The following PTPRS variants were observed in gnomAD, a reference collection of about 807,000 sequenced individuals.
PTPRS encodes receptor-type tyrosine-protein phosphatase S.
Under a neutral mutation model 215.3 loss-of-function variants are expected in PTPRS, and 63 were observed. The ratio of observed to expected loss-of-function variants is 0.29; its 90% CI spans 0.24 to 0.36. The LOEUF (loss-of-function observed/expected upper bound fraction) is 0.36, where lower values mean the gene tolerates loss of function less well. Ranked by LOEUF, PTPRS falls within the 10% of genes least tolerant of loss-of-function variation. The pLI is 1.00. For synonymous variants in PTPRS, 1,404 were observed against 1,191.4 expected, an observed-to-expected ratio of 1.18 and a Z score of -3.68; for missense variants, 2,258 against 2,825.8, an observed-to-expected ratio of 0.80 and a Z score of 4.56.
chr19:5,303,950 C>CAAA (rs1555805672), intron 1 of PTPRS, among the ~76,000 whole-genome samples: 1 of 95,710 alleles, frequency 1.0e-5, no homozygotes, highest in African/African-American at 6.0e-5. Context: ...GACTCTGTCT[C>CAAA]AAAAAATAAT....
chr19:5,206,156 T>TG lies in PTPRS; in HGVS notation c.*617dup, dbSNP rs1035656662. ...TATCACACAAGGACGCTTTCTACAG[T>TG]GAAAAAATAGACTGTCTTTGAACAG... On this transcript the variant is annotated 3_prime_UTR_variant, in exon 38 of 38. Coordinates refer to ENST00000262963, the MANE Select transcript of PTPRS (RefSeq NM_002850.4). Among the ~76,000 whole-genome samples the TG allele has an allele frequency of 4.1e-4, 61 of 147,756 alleles. No individual in the cohort carries two copies. Among genetic ancestry groups the TG allele is most frequent in the African/African-American group, 1.5e-3 (59 of 39,664 alleles).
At chr19:5,323,383 A>G (rs575966659) in intron 1 of PTPRS, among the ~76,000 whole-genome samples, 1 of 152,330 alleles carries the variant, frequency 6.6e-6, no homozygotes, top group South Asian at 2.1e-4. Context: ...AAAGCATTCA[A>G]CAGAGAAATG....
At position 5,210,158 on chromosome 19, in the gene PTPRS, C is replaced by A. The variant is rs9676920; in HGVS notation, c.5487+311G>T. Among the ~76,000 whole-genome samples, 2,620 of 152,310 alleles carry A rather than the reference C, an allele frequency of 0.017. 76 individuals are homozygous for A. The highest frequency in any genetic ancestry group is 0.06 in the African/African-American group (2,475 of 41,544). ...CCCTCACCCTCAATCCCTCAAGTCC[C>A]TTTCAGCCCTTTAACATCATCCTCC... On this transcript the variant is annotated intron_variant, in intron 35 of 37. Coordinates refer to ENST00000262963, the MANE Select transcript of PTPRS (RefSeq NM_002850.4). The surrounding 1 kb of genome is among the most constrained non-coding windows in gnomAD (Gnocchi z 4.5).
At chr19:5,301,041 G>A in intron 1 of PTPRS, among the ~76,000 whole-genome samples, 1 of 152,198 alleles carries the variant, frequency 6.6e-6, no homozygotes, top group East Asian at 1.9e-4. Context: ...GAAAGCAAAA[G>A]CCACATTGCT....
At chr19:5,268,881 T>G (rs894581352) in intron 4 of PTPRS, among the ~76,000 whole-genome samples, 10 of 152,144 alleles carry the variant, frequency 6.6e-5, no homozygotes, top group Non-Finnish European at 1.2e-4. Flanking sequence ...CTCAACCAGG[T>G]CTGAACCCAT....
chr19:5,228,342 C>A lies in PTPRS; in HGVS notation c.2376+974G>T, dbSNP rs1312059654. Reference sequence around the variant, plus strand: ...CCCGGGCGATAGTGTGAGACTCCGTCTGGAGAAAAAAAAAAAAAAAAGAGA... The same window carrying A: ...CCCGGGCGATAGTGTGAGACTCCGTATGGAGAAAAAAAAAAAAAAAAGAGA... On this transcript the variant is annotated intron_variant, in intron 16 of 37. Transcript: ENST00000262963. Among the ~76,000 whole-genome samples the A allele has an allele frequency of 1.3e-4, 4 of 31,522 alleles. No individual in the cohort carries two copies. The African/African-American group carries it at 1.9e-3, about 15-fold the overall frequency. 20.7% of individuals were successfully genotyped at this position (31,522 alleles called of 152,430 possible).
intron 19 of PTPRS, 136 bp from the exon 20 acceptor site, chr19:5,221,389 ACTGATCC>A (rs1205229795): frequency 3.2e-5 from 36 of 1,138,786 alleles, no homozygotes; most frequent in Non-Finnish European, 3.6e-5. Flanking sequence ...TCTAACACTG[ACTGATCC>A]CTGATCCCAG....
At chr19:5,281,336 C>T (rs964100027) in intron 2 of PTPRS, among the ~76,000 whole-genome samples, 1 of 152,090 alleles carries the variant, frequency 6.6e-6, no homozygotes, top group African/African-American at 2.4e-5. Context: ...TGGCGCATGC[C>T]TGTAATCCCA....
Position 5,287,660 on chromosome 19 carries a change from C to T in PTPRS, c.-94-1426G>A, listed in dbSNP as rs907921897. ...CCCTGTGATTCTGACTCCCAAAATA[C>T]CCAGCTGCGGTCACCTCGCCCAGCC... On this transcript the variant is annotated intron_variant, in intron 1 of 37. Transcript: ENST00000262963. This position sits in a 1 kb window ranked among gnomAD's most constrained non-coding sequence, Gnocchi z 4.8. Among the ~76,000 whole-genome samples the T allele has an allele frequency of 1.3e-5, 2 of 152,136 alleles. No homozygotes were observed. The highest frequency in any genetic ancestry group is 4.8e-5 in the African/African-American group (2 of 41,436).
intron 17 of PTPRS, among the ~76,000 whole-genome samples, 172 bp from the exon 18 acceptor site, chr19:5,223,469 C>A (rs191575450): frequency 7.9e-5 from 12 of 151,978 alleles, no homozygotes; most frequent in Admixed American, 7.2e-4. Context: ...CGGCTCACTG[C>A]AGCCTCGAAC....
intron 1 of PTPRS, among the ~76,000 whole-genome samples, chr19:5,332,432 T>C (rs540594232): frequency 6.7e-4 from 102 of 152,240 alleles, no homozygotes; most frequent in African/African-American, 2.4e-3. Flanking sequence ...CCAGCCAAAA[T>C]TGGGCAATTT....
chr19:5,229,234 T>C, intron 16 of PTPRS, 82 bp downstream of exon 16: 1 of 1,294,456 alleles, frequency 7.7e-7, no homozygotes. Context: ...CTACTGATGA[T>C]AAGGGGCGTG....
At chr19:5,305,341 T>C (rs909673707) in intron 1 of PTPRS, among the ~76,000 whole-genome samples, 5 of 150,862 alleles carry the variant, frequency 3.3e-5, no homozygotes, top group Non-Finnish European at 7.4e-5. Flanking sequence ...AGGCCAGGAG[T>C]TGAAGACCAA....
intron 19 of PTPRS, among the ~76,000 whole-genome samples, chr19:5,221,492 A>G (rs2041973491): frequency 6.6e-6 from 1 of 151,330 alleles, no homozygotes; most frequent in South Asian, 2.1e-4. Context: ...TCCTGATCCT[A>G]GGTAGAAGCC....
At chr19:5,314,694 T>C (rs2049815494) in intron 1 of PTPRS, among the ~76,000 whole-genome samples, 1 of 152,126 alleles carries the variant, frequency 6.6e-6, no homozygotes, top group Admixed American at 6.6e-5. Context: ...CCCAGCTGTT[T>C]CTCCACATTT....
At chr19:5,268,692 C>T (rs555560503) in intron 4 of PTPRS, among the ~76,000 whole-genome samples, 3 of 152,282 alleles carry the variant, frequency 2.0e-5, no homozygotes, top group Admixed American at 6.5e-5. Flanking sequence ...GCATCCCAGG[C>T]GCAGCGCAGG....
At chr19:5,236,467 A>G (rs1406328460) in intron 13 of PTPRS, among the ~76,000 whole-genome samples, 1 of 152,180 alleles carries the variant, frequency 6.6e-6, no homozygotes, top group African/African-American at 2.4e-5. Flanking sequence ...AGTGCCCACG[A>G]TTTTAGAATC....
At chr19:5,286,298 G>A (rs2048345571) in intron 1 of PTPRS, 64 bp from the exon 2 acceptor site, 2 of 745,072 alleles carry the variant, frequency 2.7e-6, no homozygotes, top group South Asian at 1.7e-5. Flanking sequence ...TCATGGAGGA[G>A]GCAGAGGGAG....
chr19:5,239,179 GA>G, intron 12 of PTPRS, 116 bp from the exon 13 acceptor site: 1 of 725,612 alleles, frequency 1.4e-6, no homozygotes, highest in Admixed American at 2.8e-5. Flanking sequence ...GAGAGAGAGA[GA>G]GAGAGAGACA....
Sources: allele counts gnomAD v4.1 joint callset (sites outside exome capture counted in the v4.1 genomes callset), GRCh38; gene constraint gnomAD v4.1.1; non-coding constraint Gnocchi (gnomAD v3.1); transcripts MANE v1.5; gene names NCBI Gene and HGNC (gene_info 2026-07-23, HGNC 2026-07-21).